The following SCAF4 variants were observed in gnomAD, a reference collection of about 807,000 sequenced individuals.
SCAF4 encodes the protein SR-related and CTD-associated factor 4.
In SCAF4, 25 loss-of-function variants were observed where a neutral mutation model predicts 129.8. The observed-to-expected ratio is 0.19, with a 90% CI of 0.14 to 0.27. The LOEUF is 0.27. Among genes scored for constraint, SCAF4 ranks in the 10% least tolerant of loss-of-function variants. The probability of loss-of-function intolerance (pLI) is 1.00; values close to 1 mark genes in which losing one functional copy is unlikely to be tolerated. For synonymous variants in SCAF4, 551 were observed against 497.7 expected (o/e 1.11, Z -1.43); for missense variants, 1,246 against 1,457.1 (o/e 0.86, Z 2.36).
At chr21:31,726,745 G>A (rs2051215296) in intron 1 of SCAF4, among the ~76,000 whole-genome samples, 1 of 152,186 alleles carries the variant, frequency 6.6e-6, no homozygotes, top group Non-Finnish European at 1.5e-5. Flanking sequence ...CGCACCAGGA[G>A]ACATGTTTGA....
At chr21:31,672,953 C>G (rs1688021590) in intron 19 of SCAF4, among the ~76,000 whole-genome samples, 1 of 152,218 alleles carries the variant, frequency 6.6e-6, no homozygotes, top group South Asian at 2.1e-4. Flanking sequence ...GATCCATACA[C>G]AAATGTGAAG....
At chr21:31,683,248 A>G (rs890699670) in intron 19 of SCAF4, among the ~76,000 whole-genome samples, 1 of 152,222 alleles carries the variant, frequency 6.6e-6, no homozygotes, top group South Asian at 2.1e-4. Context: ...ACATGCAAAC[A>G]GTATGTCAGG....
intron 1 of SCAF4, among the ~76,000 whole-genome samples, chr21:31,725,284 A>C (rs556451575): frequency 6.6e-5 from 10 of 152,302 alleles, no homozygotes; most frequent in African/African-American, 2.4e-4. Context: ...AAAATACTTA[A>C]TAAGGCATCC....
At chr21:31,700,901 T>A (rs758091949) in intron 7 of SCAF4, 94 bp downstream of exon 7, 34 of 1,297,170 alleles carry the variant, frequency 2.6e-5, no homozygotes, top group Non-Finnish European at 3.6e-5. Flanking sequence ...AACGACATAA[T>A]GAACAATCCA....
At chr21:31,728,611 G>T (rs1397502051) in intron 1 of SCAF4, among the ~76,000 whole-genome samples, 1 of 152,084 alleles carries the variant, frequency 6.6e-6, no homozygotes, top group East Asian at 1.9e-4. Context: ...GTAATTGGAC[G>T]TCTATGCAGG....
At chr21:31,704,029 T>C (rs1006068953) in intron 3 of SCAF4, 103 bp from the exon 4 acceptor site, 2 of 660,566 alleles carry the variant, frequency 3.0e-6, no homozygotes, top group South Asian at 6.9e-5. Flanking sequence ...ATCCAATGAT[T>C]GCTTTTGTTT....
chr21:31,691,977 G>A, intron 13 of SCAF4, 47 bp from the exon 14 acceptor site: 1 of 1,017,868 alleles, frequency 9.8e-7, no homozygotes, highest in Non-Finnish European at 1.5e-6. Flanking sequence ...AAATTGAAAA[G>A]CAACAAGATA....
At chr21:31,690,393 G>A (rs575441706) in intron 15 of SCAF4, among the ~76,000 whole-genome samples, 3 of 152,246 alleles carry the variant, frequency 2.0e-5, no homozygotes, top group Non-Finnish European at 2.9e-5. Flanking sequence ...ACTGAAGGAG[G>A]AGAGTGGCTT....
At position 31,720,884 on chromosome 21, in the gene SCAF4, G is replaced by A. The variant is rs555202200; in HGVS notation, c.30+10779C>T. Among the ~76,000 whole-genome samples, 6 of 152,320 alleles carry A rather than the reference G, an allele frequency of 3.9e-5. No homozygotes were observed. In the South Asian group the frequency reaches 1.2e-3, roughly 32 times the overall value. On this transcript the variant is annotated intron_variant, in intron 1 of 19. Transcript: ENST00000286835. Reference sequence around the variant, plus strand: ...ACAAAATAATTTACAGAGCCATGCAGAGGCCGCTAGATAGTTTTCATCTTG... The same window carrying A: ...ACAAAATAATTTACAGAGCCATGCAAAGGCCGCTAGATAGTTTTCATCTTG...
chr21:31,677,959 G>A (rs944783230), intron 19 of SCAF4, among the ~76,000 whole-genome samples: 6 of 151,944 alleles, frequency 3.9e-5, no homozygotes, highest in African/African-American at 1.2e-4. Context: ...TTTCTGGCAC[G>A]TGGAACTATG....
In SCAF4 at chr21:31,685,687, G is replaced by C; in HGVS notation, c.2090C>G (p.Pro697Arg). The change falls in exon 17 of 20, where the codon CCG becomes CGG. Residue 697 changes from proline to arginine, a missense_variant. By Grantham distance (103) the Pro-to-Arg change is moderately radical. Transcript: ENST00000286835. ...PGPPVVGALQ[P>R]PAFTPPLGIP... is the part of the protein sequence containing the mutation. The stretch of plus-strand genomic sequence containing the variant: ...TCCCAGAGGAGGCGTGAAAGCAGGC[G>C]GCTGGAGAGCACCAACTACAGGTGG... 6.2e-7 allele frequency: 1 copy of C among 1,611,994 alleles called. No individual in the cohort carries two copies. Among genetic ancestry groups the C allele is most frequent in the Non-Finnish European group, 8.5e-7 (1 of 1,179,106 alleles).
At chr21:31,707,218 T>C (rs1323786586) in intron 1 of SCAF4, among the ~76,000 whole-genome samples, 1 of 152,188 alleles carries the variant, frequency 6.6e-6, no homozygotes, top group Non-Finnish European at 1.5e-5. Context: ...CCAGCCATGG[T>C]GGCGCACACC....
rs1300596236 is a variant in SCAF4, at chr21:31,717,908, C to CATAT, written c.31-11552_31-11551insATAT. 3.2e-3 allele frequency among the ~76,000 whole-genome samples: 196 copies of CATAT among 61,774 alleles called. 4 individuals carry two copies. The highest frequency in any genetic ancestry group is 0.028 in the East Asian group (43 of 1,526). 40.5% of individuals were successfully genotyped at this position (61,774 alleles called of 152,430 possible). A position where few individuals can be genotyped will look rare whatever the true frequency, so the allele number is the denominator to read the frequency against. ...ATACACATATATACACATATATACA[C>CATAT]ACACACACACACACACACACACACA... On this transcript the variant is annotated intron_variant, in intron 1 of 19. Transcript: ENST00000286835.
chr21:31,731,971 G>C lies in SCAF4; in HGVS notation c.-279C>G. On this transcript the variant is annotated 5_prime_UTR_variant, in exon 1 of 20. Transcript: ENST00000286835. ...TTCAACATGTCCGTTTGGTGGTGGC[G>C]GCTGCGCTCTGCGTCTCGCTGACAC... 2.1e-6 allele frequency: 1 copy of C among 475,176 alleles called. No individual in the cohort carries two copies. The highest frequency in any genetic ancestry group is 3.6e-6 in the Non-Finnish European group (1 of 274,428). The allele number at this position is 475,176 out of a possible 1,614,324, so 29.4% of individuals were successfully genotyped here.
intron 1 of SCAF4, among the ~76,000 whole-genome samples, chr21:31,712,149 A>C (rs2050812911): frequency 6.6e-6 from 1 of 151,744 alleles, no homozygotes; most frequent in Non-Finnish European, 1.5e-5. Flanking sequence ...ACTCATCCAA[A>C]TATTTCCAGG....
intron 19 of SCAF4, chr21:31,683,911 C>T (rs2050054051): frequency 6.5e-6 from 1 of 153,226 alleles, no homozygotes; most frequent in African/African-American, 2.4e-5. Flanking sequence ...TTTACCATTA[C>T]CCAATCTGTG....
chr21:31,700,575 G>C (rs759119222), intron 7 of SCAF4, among the ~76,000 whole-genome samples: 1 of 151,948 alleles, frequency 6.6e-6, no homozygotes, highest in South Asian at 2.1e-4. Flanking sequence ...AAAGATACAA[G>C]AGTATTAACA....
In SCAF4 at chr21:31,696,179, CTG is replaced by C; in HGVS notation, c.1000_1001del (p.Gln334AlafsTer28). 1 of 1,613,974 alleles carries C rather than the reference CTG, an allele frequency of 6.2e-7. No homozygotes were observed. The highest frequency in any genetic ancestry group is 2.2e-5 in the East Asian group (1 of 44,860). On this transcript the variant is annotated frameshift_variant, in exon 9 of 20. Transcript: ENST00000286835. LOFTEE classifies it high-confidence loss of function. ...GCTGAAACTGATCCATATTTTGATGCTGTGTGTATGCTGGCTGCTGCATGCCA... is the reference window on the plus strand; with the variant it reads ...GCTGAAACTGATCCATATTTTGATGCTGTGTATGCTGGCTGCTGCATGCCA... The part of the protein sequence containing the change: ...GDGMQQPAYT[Q>X]HQNMDQFQPR...
At chr21:31,702,040 G>A (rs2050545646) in intron 5 of SCAF4, 122 bp from the exon 6 acceptor site, 2 of 1,308,250 alleles carry the variant, frequency 1.5e-6, no homozygotes, top group Non-Finnish European at 2.1e-6. Context: ...TAGAGATTGT[G>A]GCACTAGAGT....
Sources: gnomAD v4.1 joint callset for allele counts (sites outside exome capture counted in the v4.1 genomes callset) on GRCh38, gnomAD v4.1.1 for gene constraint, MANE v1.5 for transcripts, NCBI Gene and HGNC (gene_info 2026-07-23, HGNC 2026-07-21) for gene names.